LRBA: variants seen among roughly 807,000 people sequenced by gnomAD.
LRBA encodes lipopolysaccharide-responsive and beige-like anchor protein.
LRBA carries 176 observed loss-of-function variants against 330.0 expected under a neutral mutation model. The ratio of observed to expected loss-of-function variants is 0.53; its 90% CI spans 0.47 to 0.60. LRBA has a LOEUF of 0.60. Among genes scored for constraint, LRBA ranks in the 20% least tolerant of loss-of-function variants. LRBA has a pLI of 0.00. For synonymous variants in LRBA, 1,230 were observed against 1,193.0 expected (o/e 1.03, Z -0.64); for missense variants, 3,259 against 3,444.8 (o/e 0.95, Z 1.35).
intron 2 of LRBA, among the ~76,000 whole-genome samples, chr4:151,010,086 A>G (rs1229912103): frequency 2.6e-5 from 4 of 152,210 alleles, no homozygotes; most frequent in Non-Finnish European, 4.4e-5. Flanking sequence ...ACCATTTTAT[A>G]TAAGAGACTG....
Position 150,796,970 on chromosome 4 carries a change from T to C in LRBA, c.5580+1111A>G, listed in dbSNP as rs575806926. On this transcript the variant is annotated intron_variant, in intron 34 of 56. Coordinates refer to ENST00000651943, the MANE Select transcript of LRBA (RefSeq NM_001364905.1). The stretch of plus-strand genomic sequence containing the variant: ...AAATGGAGTTTTCTAAATGAGATGA[T>C]TAAATTATAGAACATGATTCTCAGT... 2.6e-5 allele frequency among the ~76,000 whole-genome samples: 4 copies of C among 152,004 alleles called. No homozygotes were observed. In the East Asian group the frequency reaches 7.7e-4, roughly 29 times the overall value.
intron 44 of LRBA, among the ~76,000 whole-genome samples, chr4:150,455,769 T>C (rs1048937730): frequency 6.6e-6 from 1 of 151,432 alleles, no homozygotes; most frequent in African/African-American, 2.4e-5. Flanking sequence ...ATCTTGATAA[T>C]TTTTTTTTGT....
Position 150,896,444 on chromosome 4 carries a change from T to G in LRBA, c.2017A>C (p.Lys673Gln), listed in dbSNP as rs1730094469. 1.3e-6 allele frequency: 2 copies of G among 1,538,274 alleles called. No homozygotes were observed. Among genetic ancestry groups the G allele is most frequent in the South Asian group, 1.2e-5 (1 of 85,584 alleles). ...KQLVMKDSGV[K>Q]EDELQAILNY... is the part of the protein sequence containing the mutation. ...AGAATGGCCTGTAATTCATCTTCCT[T>G]TACTCCAGAATCCTTCAAAAACATA... is the stretch of plus-strand genomic sequence containing the variant. The change falls in exon 16 of 57, where the codon AAG becomes CAG. Residue 673 changes from lysine (K) to glutamine (Q), a missense_variant. Lys to Gln is a moderately conservative substitution (Grantham distance 53). Coordinates refer to ENST00000651943, the MANE Select transcript of LRBA (RefSeq NM_001364905.1).
At chr4:151,006,895 T>G (rs1442920740) in intron 2 of LRBA, among the ~76,000 whole-genome samples, 1 of 152,220 alleles carries the variant, frequency 6.6e-6, no homozygotes, top group African/African-American at 2.4e-5. Flanking sequence ...CAATAATATC[T>G]ACTCATGATA....
chr4:150,837,545 T>G (rs1221049127), intron 28 of LRBA, among the ~76,000 whole-genome samples: 1 of 152,204 alleles, frequency 6.6e-6, no homozygotes, highest in Admixed American at 6.5e-5. Context: ...TTTACCATTA[T>G]GTAATGGCCT....
At chr4:150,297,083 A>G (rs1729072316) in intron 53 of LRBA, among the ~76,000 whole-genome samples, 1 of 152,192 alleles carries the variant, frequency 6.6e-6, no homozygotes, top group African/African-American at 2.4e-5. Context: ...TGGCACTATT[A>G]AAAAGGTCTA....
chr4:150,401,238 A>C (rs1043596834), intron 47 of LRBA, among the ~76,000 whole-genome samples: 2 of 152,236 alleles, frequency 1.3e-5, no homozygotes, highest in Non-Finnish European at 2.9e-5. Context: ...CCATGATCTC[A>C]GACTTAAAGC....
chr4:150,345,634 T>C (rs920368333), intron 48 of LRBA, among the ~76,000 whole-genome samples: 2 of 152,196 alleles, frequency 1.3e-5, no homozygotes, highest in Non-Finnish European at 2.9e-5. Context: ...ATGACTTCTA[T>C]ATATAGGAAA....
chr4:150,927,699 C>A (rs1734035739), intron 4 of LRBA, among the ~76,000 whole-genome samples: 1 of 151,576 alleles, frequency 6.6e-6, no homozygotes, highest in Non-Finnish European at 1.5e-5. Context: ...AGCAAAAACT[C>A]TAAGAAGATA....
intron 40 of LRBA, among the ~76,000 whole-genome samples, chr4:150,519,109 A>G (rs1485261795): frequency 6.6e-6 from 1 of 152,196 alleles, no homozygotes; most frequent in Non-Finnish European, 1.5e-5. Context: ...AGACAAGTCA[A>G]TTCCTTATAA....
At chr4:150,682,263 T>C (rs1783118980) in intron 37 of LRBA, among the ~76,000 whole-genome samples, 1 of 152,234 alleles carries the variant, frequency 6.6e-6, no homozygotes, top group South Asian at 2.1e-4. Context: ...AAACCCTCAA[T>C]ACAACACTCC....
chr4:150,923,068 G>A (rs1177935805), intron 4 of LRBA, among the ~76,000 whole-genome samples: 1 of 151,224 alleles, frequency 6.6e-6, no homozygotes, highest in African/African-American at 2.4e-5. Context: ...AATGTAAATC[G>A]AAAGTATGTT....
At chr4:150,965,026 G>A (rs1340287451) in intron 2 of LRBA, among the ~76,000 whole-genome samples, 1 of 152,148 alleles carries the variant, frequency 6.6e-6, no homozygotes, top group East Asian at 1.9e-4. Flanking sequence ...CTTTCATAGA[G>A]TTCTGGAGGG....
At chr4:150,692,104 T>C (rs1269188052) in intron 36 of LRBA, among the ~76,000 whole-genome samples, 1 of 152,198 alleles carries the variant, frequency 6.6e-6, no homozygotes, top group Admixed American at 6.5e-5. Context: ...TTTATTATAA[T>C]GGTAAAATCA....
chr4:150,980,945 CAATAA>C (rs1740761859), intron 2 of LRBA, among the ~76,000 whole-genome samples: 1 of 151,584 alleles, frequency 6.6e-6, no homozygotes. Context: ...ACAATGAAAA[CAATAA>C]AATACTGGTG....
chr4:150,721,175 A>AT, intron 36 of LRBA: 1 of 569,860 alleles, frequency 1.8e-6, no homozygotes. Context: ...GTTACATGAT[A>AT]GATACCAGGA....
intron 48 of LRBA, among the ~76,000 whole-genome samples, chr4:150,339,742 T>C (rs973454877): frequency 1.2e-4 from 19 of 152,058 alleles, no homozygotes; most frequent in African/African-American, 4.6e-4. Context: ...TACATATAGA[T>C]TTACACAGCA....
At chr4:150,422,717 C>T in intron 46 of LRBA, 1 of 825,210 alleles carries the variant, frequency 1.2e-6, no homozygotes, top group Non-Finnish European at 2.1e-6. Flanking sequence ...AGGTGAGCCT[C>T]TGGAACCCAC....
At chr4:150,892,747 G>A (rs1729595984) in intron 17 of LRBA, among the ~76,000 whole-genome samples, 1 of 152,040 alleles carries the variant, frequency 6.6e-6, no homozygotes. Flanking sequence ...ATACTATCTA[G>A]GACCTAAAGA....
Sources: allele counts gnomAD v4.1 joint callset (sites outside exome capture counted in the v4.1 genomes callset), GRCh38; gene constraint gnomAD v4.1.1; transcripts MANE v1.5; gene names NCBI Gene and HGNC (gene_info 2026-07-23, HGNC 2026-07-21).